The following DMD variants were observed in gnomAD, a reference collection of about 807,000 sequenced individuals.
DMD encodes dystrophin.
DMD carries 63 observed loss-of-function variants against 330.1 expected under a neutral mutation model. That is an observed-to-expected ratio of 0.19 (90% CI 0.16 to 0.24). The LOEUF is 0.24. Among genes scored for constraint, DMD ranks in the 10% least tolerant of loss-of-function variants. DMD has a pLI of 1.00. For missense variants in DMD, 3,344 were observed against 2,684.1 expected, an observed-to-expected ratio of 1.25 and a Z score of -5.43; for synonymous variants, 1,223 against 959.8, an observed-to-expected ratio of 1.27 and a Z score of -5.07.
intron 1 of DMD, among the ~76,000 whole-genome samples, chrX:33,203,956 C>A (rs2148837879): frequency 9.0e-6 from 1 of 111,407 alleles, no homozygotes; most frequent in African/African-American, 3.3e-5. Context: ...ACACAGCATG[C>A]AATACAACAC....
intron 60 of DMD, among the ~76,000 whole-genome samples, chrX:31,370,295 C>A (rs959655217): frequency 9.0e-6 from 1 of 111,023 alleles, no homozygotes; most frequent in Non-Finnish European, 1.9e-5. Context: ...ACCCTATACA[C>A]AAGAAAGGAC....
chrX:32,520,576 G>T (rs1045026833), intron 17 of DMD, among the ~76,000 whole-genome samples: 30 of 111,485 alleles, frequency 2.7e-4, no homozygotes, highest in African/African-American at 9.5e-4. Flanking sequence ...CCCTCAGTTG[G>T]ACAATCCTGA....
rs181271759 is a variant in DMD at position 33,123,486 on chromosome X, G to A, written c.31+87796C>T. Among the ~76,000 whole-genome samples, 384 of 110,744 alleles carry A rather than the reference G, an allele frequency of 3.5e-3. 5 individuals carry two copies. The highest frequency in any genetic ancestry group is 0.012 in the African/African-American group (375 of 30,437). ...GGCTGGAGTGCAGGGGTGCGATCTC[G>A]GTTCAATGCAACCTCCGCCTCCCGG... On this transcript the variant is annotated intron_variant, in intron 1 of 78. Coordinates refer to ENST00000357033, the MANE Select transcript of DMD (RefSeq NM_004006.3).
At chrX:33,111,118 G>A (rs1254758492) in intron 1 of DMD, among the ~76,000 whole-genome samples, 1 of 110,806 alleles carries the variant, frequency 9.0e-6, no homozygotes, top group Non-Finnish European at 1.9e-5. Context: ...AGGCAACCAT[G>A]AAGTTGACAA....
chrX:32,017,176 T>G (rs147476628), intron 44 of DMD, among the ~76,000 whole-genome samples: 1 of 112,195 alleles, frequency 8.9e-6, no homozygotes, highest in Non-Finnish European at 1.9e-5. Context: ...GATTGGTTAT[T>G]GTTTGGGCAA....
chrX:32,680,596 C>T (rs1380047102), intron 9 of DMD, among the ~76,000 whole-genome samples: 1 of 112,212 alleles, frequency 8.9e-6, no homozygotes, highest in East Asian at 2.8e-4. Flanking sequence ...GGTATTACAT[C>T]TCAAATTATG....
In DMD at chrX:32,716,209, C is replaced by T. The variant is rs981279523; in HGVS notation, c.650-16916G>A. Among the ~76,000 whole-genome samples, 3 of 111,026 alleles carry T rather than the reference C, an allele frequency of 2.7e-5. No individual in the cohort carries two copies. In the East Asian group the frequency reaches 8.5e-4, roughly 32 times the overall value. ...TGGATTTGTTTCCTTGCCCAAATCT[C>T]ATGTTGAGTTGTGTTCCCCAGTGTT... On this transcript the variant is annotated intron_variant, in intron 7 of 78. Transcript: ENST00000357033.
chrX:31,388,219 G>A (rs1471086426), intron 60 of DMD, among the ~76,000 whole-genome samples: 1 of 108,540 alleles, frequency 9.2e-6, no homozygotes. Context: ...TAGCCAGGAC[G>A]GTCTCGATCT....
chrX:31,924,307 T>C (rs187513548), intron 47 of DMD, among the ~76,000 whole-genome samples: 3 of 112,369 alleles, frequency 2.7e-5, no homozygotes. Flanking sequence ...TCTAGCTTTA[T>C]TTAATTTTCT....
In DMD at chrX:32,855,973, T is replaced by A. The variant is rs181714838; in HGVS notation, c.94-6153A>T. On this transcript the variant is annotated intron_variant, in intron 2 of 78. Transcript: ENST00000357033. ...TCAAACAACTCCATAGAAAAAAATA[T>A]ATATAATCATCTGATTGAAAGAAGG... 4.8e-3 allele frequency among the ~76,000 whole-genome samples: 531 copies of A among 111,665 alleles called. 4 individuals are homozygous for A. Among genetic ancestry groups the A allele is most frequent in the African/African-American group, 0.017 (512 of 30,756 alleles).
intron 77 of DMD, among the ~76,000 whole-genome samples, chrX:31,130,649 A>T (rs993290856): frequency 1.8e-5 from 2 of 112,325 alleles, no homozygotes. Context: ...CCACTCATTT[A>T]TTAATTTTGA....
intron 62 of DMD, among the ~76,000 whole-genome samples, chrX:31,279,766 AT>A (rs2052475620): frequency 8.9e-6 from 1 of 112,599 alleles, no homozygotes; most frequent in Admixed American, 9.4e-5. Flanking sequence ...CAATCCACCC[AT>A]CAAATAGTGA....
In DMD at chrX:31,199,030, T is replaced by C. The variant is rs774207554; in HGVS notation, c.9807+4931A>G. 8.9e-5 allele frequency among the ~76,000 whole-genome samples: 10 copies of C among 111,996 alleles called. No individual in the cohort carries two copies. The South Asian group carries it at 3.8e-3, about 42-fold the overall frequency. On this transcript the variant is annotated intron_variant, in intron 67 of 78. Transcript: ENST00000357033. ...CTCCGAACTGGTTGAAGCCATAACA[T>C]GATGTAAATTGCACGATGTAGACTA...
At chrX:31,472,045 C>T (rs2067339888) in intron 59 of DMD, among the ~76,000 whole-genome samples, 1 of 112,190 alleles carries the variant, frequency 8.9e-6, no homozygotes, top group Non-Finnish European at 1.9e-5. Flanking sequence ...TTTTTCTTCT[C>T]CATCAAAGGC....
chrX:32,838,939 G>A (rs1219480000), intron 4 of DMD, among the ~76,000 whole-genome samples: 1 of 111,919 alleles, frequency 8.9e-6, no homozygotes, highest in African/African-American at 3.3e-5. Flanking sequence ...ATATCCAAAG[G>A]ATTATAAATC....
chrX:32,889,098 C>A (rs1372372766), intron 2 of DMD, among the ~76,000 whole-genome samples: 2 of 110,130 alleles, frequency 1.8e-5, no homozygotes, highest in Non-Finnish European at 3.8e-5. Flanking sequence ...TATCCAGGTG[C>A]AGAAGTAATT....
At chrX:32,707,032 C>T (rs1447615966) in intron 7 of DMD, among the ~76,000 whole-genome samples, 2 of 110,057 alleles carry the variant, frequency 1.8e-5, no homozygotes, top group African/African-American at 3.3e-5. Flanking sequence ...GCAGAGATGA[C>T]GGTGAGCCGA....
chrX:32,441,039 A>T, intron 28 of DMD, 141 bp downstream of exon 28: 2 of 675,608 alleles, frequency 3.0e-6, no homozygotes, highest in Non-Finnish European at 4.4e-6. Context: ...CAAAGGCTTT[A>T]TCCAAAGTAC....
intron 36 of DMD, among the ~76,000 whole-genome samples, chrX:32,364,169 T>C (rs1256743759): frequency 8.9e-6 from 1 of 112,072 alleles, no homozygotes; most frequent in African/African-American, 3.2e-5. Flanking sequence ...GATTTGGATA[T>C]GGCATAGGCA....
Sources: allele counts gnomAD v4.1 joint callset (sites outside exome capture counted in the v4.1 genomes callset), GRCh38; gene constraint gnomAD v4.1.1; transcripts MANE v1.5; gene names NCBI Gene and HGNC (gene_info 2026-07-23, HGNC 2026-07-21).